The following CPNE4 variants were observed in gnomAD, a reference collection of about 807,000 sequenced individuals.
CPNE4 encodes the protein copine-4.
Under a neutral mutation model 67.9 loss-of-function variants are expected in CPNE4, and 25 were observed. The observed-to-expected ratio is 0.37, with a 90% CI of 0.27 to 0.51. The LOEUF (loss-of-function observed/expected upper bound fraction) is 0.51. CPNE4 is among the 20% of genes least tolerant of loss of function. CPNE4 has a pLI of 0.93. For missense variants in CPNE4, 464 were observed against 690.8 expected, an observed-to-expected ratio of 0.67 and a Z score of 3.68; for synonymous variants, 242 against 244.9, an observed-to-expected ratio of 0.99 and a Z score of 0.11.
chr3:131,619,915 G>A (rs1940370223), intron 7 of CPNE4, among the ~76,000 whole-genome samples: 1 of 152,178 alleles, frequency 6.6e-6, no homozygotes, highest in African/African-American at 2.4e-5. Context: ...AAGAGATTAA[G>A]GAGGTAGAAT....
chr3:131,636,634 A>G (rs537912866), intron 7 of CPNE4, among the ~76,000 whole-genome samples: 2 of 152,190 alleles, frequency 1.3e-5, no homozygotes, highest in East Asian at 3.9e-4. Context: ...AAACTTTAAT[A>G]CTTGACCAGG....
At chr3:131,663,890 T>A (rs910247251) in intron 7 of CPNE4, among the ~76,000 whole-genome samples, 1 of 152,206 alleles carries the variant, frequency 6.6e-6, no homozygotes, top group African/African-American at 2.4e-5. Context: ...CTTCTTCTCT[T>A]CTGCCATTTC....
intron 7 of CPNE4, among the ~76,000 whole-genome samples, chr3:131,620,981 C>T (rs1270706443): frequency 6.6e-6 from 1 of 151,480 alleles, no homozygotes; most frequent in East Asian, 1.9e-4. Context: ...ACTCATAACA[C>T]CATCATCAAG....
At chr3:131,718,064 G>A (rs556916962) in intron 3 of CPNE4, among the ~76,000 whole-genome samples, 6 of 150,804 alleles carry the variant, frequency 4.0e-5, no homozygotes, top group South Asian at 2.1e-4. Flanking sequence ...GCATGATCTC[G>A]GCTAACTGCA....
At chr3:131,820,476 G>A (rs1440109319) in intron 2 of CPNE4, among the ~76,000 whole-genome samples, 1 of 152,212 alleles carries the variant, frequency 6.6e-6, no homozygotes, top group East Asian at 1.9e-4. Context: ...TCCTTGCAGG[G>A]GCTGCCAGTT....
chr3:131,980,883 G>A (rs1238482069), intron 1 of CPNE4, among the ~76,000 whole-genome samples: 1 of 152,130 alleles, frequency 6.6e-6, no homozygotes, highest in Non-Finnish European at 1.5e-5. Context: ...CCCACATGAT[G>A]TTCCCTTGTT....
intron 2 of CPNE4, among the ~76,000 whole-genome samples, chr3:131,775,319 T>A (rs958419): frequency 6.6e-6 from 1 of 152,154 alleles, no homozygotes; most frequent in South Asian, 2.1e-4. Context: ...ATGTTTCAGT[T>A]ATCATTTTCT....
chr3:131,794,075 T>C (rs1249155067), intron 2 of CPNE4, among the ~76,000 whole-genome samples: 1 of 152,190 alleles, frequency 6.6e-6, no homozygotes, highest in Non-Finnish European at 1.5e-5. Flanking sequence ...TATGCAGGAT[T>C]ATCAAGGTCT....
intron 9 of CPNE4, among the ~76,000 whole-genome samples, chr3:131,580,843 A>G (rs537366381): frequency 2.0e-5 from 3 of 152,194 alleles, no homozygotes; most frequent in Non-Finnish European, 2.9e-5. Context: ...TCTTGTTTTT[A>G]TGGTACGCTT....
chr3:131,657,515 A>C lies in CPNE4; in HGVS notation c.681+12160T>G, dbSNP rs1381380314. Among the ~76,000 whole-genome samples, 3 of 150,218 alleles carry C rather than the reference A, an allele frequency of 2.0e-5. No homozygotes were observed. The East Asian group carries it at 5.9e-4, about 30-fold the overall frequency. On this transcript the variant is annotated intron_variant, in intron 7 of 15. Transcript: ENST00000429747. ...AGATCAGCTTTAATGAGTACATGAAAGCCTAGAATTATCTGTATTTTTTTT... is the reference window on the plus strand; with the variant it reads ...AGATCAGCTTTAATGAGTACATGAACGCCTAGAATTATCTGTATTTTTTTT...
At chr3:131,694,770 G>C (rs1248479055) in intron 5 of CPNE4, among the ~76,000 whole-genome samples, 2 of 152,316 alleles carry the variant, frequency 1.3e-5, no homozygotes, top group Middle Eastern at 3.4e-3. Flanking sequence ...CATGTGCGTA[G>C]AGCTAGTGTA....
intron 1 of CPNE4, among the ~76,000 whole-genome samples, chr3:132,005,393 C>CAT (rs1286411324): frequency 2.5e-5 from 3 of 121,756 alleles, no homozygotes; most frequent in African/African-American, 8.8e-5. Flanking sequence ...ATATTTCTAT[C>CAT]ATATATATAT....
chr3:131,570,625 C>T (rs923868369), intron 10 of CPNE4, among the ~76,000 whole-genome samples: 10 of 152,038 alleles, frequency 6.6e-5, no homozygotes, highest in Admixed American at 2.0e-4. Flanking sequence ...TTCACCTCCA[C>T]CCACCTCCTC....
chr3:131,601,290 C>CA (rs1193744101), intron 7 of CPNE4, among the ~76,000 whole-genome samples: 6 of 152,074 alleles, frequency 3.9e-5, no homozygotes, highest in South Asian at 2.1e-4. Flanking sequence ...TACACACACA[C>CA]GTTTTTTTAT....
At chr3:132,012,582 C>T (rs9811553) in intron 1 of CPNE4, among the ~76,000 whole-genome samples, 13,287 of 152,116 alleles carry the variant, frequency 0.087, 710 homozygotes, top group Non-Finnish European at 0.12. Context: ...AGCTTATAGA[C>T]ACAAGTTGTG....
chr3:131,764,214 G>A (rs575125801), intron 2 of CPNE4, among the ~76,000 whole-genome samples: 1 of 151,910 alleles, frequency 6.6e-6, no homozygotes, highest in South Asian at 2.1e-4. Flanking sequence ...ATATGCAGGT[G>A]GGTGAGTGAG....
intron 1 of CPNE4, among the ~76,000 whole-genome samples, chr3:131,918,824 AAAACACATTAGAAGACACATG>A (rs1475466331): frequency 2.6e-5 from 4 of 152,244 alleles, no homozygotes; most frequent in Non-Finnish European, 5.9e-5. Context: ...TTTAATCACA[AAAACACATTAGAAGACACATG>A]AAACACATTA....
chr3:131,971,581 C>A (rs1458946739), intron 1 of CPNE4, among the ~76,000 whole-genome samples: 1 of 152,176 alleles, frequency 6.6e-6, no homozygotes, highest in African/African-American at 2.4e-5. Context: ...GTTATCTGAA[C>A]TCATTTACAA....
intron 6 of CPNE4, among the ~76,000 whole-genome samples, chr3:131,671,328 A>C (rs982122692): frequency 2.0e-5 from 3 of 152,178 alleles, no homozygotes; most frequent in African/African-American, 7.2e-5. Context: ...GGTTAAAATA[A>C]ATTTCCCAAC....
Sources: gnomAD v4.1 joint callset for allele counts (sites outside exome capture counted in the v4.1 genomes callset) on GRCh38, gnomAD v4.1.1 for gene constraint, MANE v1.5 for transcripts, NCBI Gene and HGNC (gene_info 2026-07-23, HGNC 2026-07-21) for gene names.